The following KDM4C variants were observed in gnomAD, a reference collection of about 807,000 sequenced individuals.
The protein encoded by KDM4C is lysine-specific demethylase 4C.
KDM4C carries 81 observed loss-of-function variants against 129.3 expected under a neutral mutation model. That is an observed-to-expected ratio of 0.63 (90% CI 0.52 to 0.75). The LOEUF (loss-of-function observed/expected upper bound fraction) is 0.75. Ranked by LOEUF, KDM4C falls within the 30% of genes least tolerant of loss-of-function variation. The pLI is 0.00. For missense variants in KDM4C, 1,457 were observed against 1,304.0 expected, an observed-to-expected ratio of 1.12 and a Z score of -1.81; for synonymous variants, 573 against 456.1, an observed-to-expected ratio of 1.26 and a Z score of -3.26.
chr9:7,061,710 C>T (rs895281716), intron 17 of KDM4C, among the ~76,000 whole-genome samples: 2 of 152,172 alleles, frequency 1.3e-5, no homozygotes, highest in Admixed American at 6.5e-5. Context: ...TTCCCAATAT[C>T]GACTCTACCC....
At chr9:7,101,779 A>T (rs1314495534) in intron 17 of KDM4C, among the ~76,000 whole-genome samples, 3 of 152,220 alleles carry the variant, frequency 2.0e-5, no homozygotes, top group Non-Finnish European at 4.4e-5. Context: ...CTCTTAAAAG[A>T]TCTTAAGAAA....
At chr9:6,849,392 T>C in intron 4 of KDM4C, 115 bp from the exon 5 acceptor site, 1 of 772,890 alleles carries the variant, frequency 1.3e-6, no homozygotes, top group Non-Finnish European at 1.9e-6. Context: ...CAGTTTTCAG[T>C]TAGTTAGAAT....
intron 5 of KDM4C, among the ~76,000 whole-genome samples, chr9:6,857,311 A>G (rs1156799254): frequency 3.3e-5 from 5 of 152,264 alleles, no homozygotes; most frequent in Admixed American, 1.3e-4. Context: ...AACAGAAAAG[A>G]TAATATTGCT....
At chr9:7,039,529 C>T (rs946724444) in intron 15 of KDM4C, among the ~76,000 whole-genome samples, 6 of 151,958 alleles carry the variant, frequency 3.9e-5, no homozygotes. Context: ...GTGCTGACCC[C>T]CAGTTCAGCT....
intron 7 of KDM4C, among the ~76,000 whole-genome samples, chr9:6,888,426 G>T (rs1193325101): frequency 6.6e-6 from 1 of 152,100 alleles, no homozygotes; most frequent in African/African-American, 2.4e-5. Context: ...GCAATGGGTT[G>T]CTTAGAATCA....
intron 8 of KDM4C, among the ~76,000 whole-genome samples, chr9:6,915,274 A>G (rs956115908): frequency 1.3e-5 from 2 of 152,210 alleles, no homozygotes; most frequent in Non-Finnish European, 2.9e-5. Flanking sequence ...GTGTTCATGC[A>G]TCTACCTAAG....
chr9:6,949,575 C>G (rs553905433), intron 8 of KDM4C, among the ~76,000 whole-genome samples: 1 of 152,362 alleles, frequency 6.6e-6, no homozygotes, highest in Non-Finnish European at 1.5e-5. Context: ...GAACGAGACT[C>G]CATCTGCAAT....
At chr9:6,952,957 T>C (rs889096518) in intron 8 of KDM4C, among the ~76,000 whole-genome samples, 1 of 152,236 alleles carries the variant, frequency 6.6e-6, no homozygotes, top group African/African-American at 2.4e-5. Flanking sequence ...TTTACTTCTT[T>C]AAATGACTGG....
chr9:6,860,472 C>G (rs1840720460), intron 5 of KDM4C, among the ~76,000 whole-genome samples: 1 of 152,142 alleles, frequency 6.6e-6, no homozygotes, highest in South Asian at 2.1e-4. Flanking sequence ...GTTAAGTGTA[C>G]TTTATCTGTC....
At chr9:6,811,149 T>A (rs929095380) in intron 3 of KDM4C, among the ~76,000 whole-genome samples, 1 of 152,134 alleles carries the variant, frequency 6.6e-6, no homozygotes, top group East Asian at 1.9e-4. Context: ...AGAGGTTTTC[T>A]GCTGGGCTGT....
intron 5 of KDM4C, among the ~76,000 whole-genome samples, chr9:6,856,539 C>CGT (rs201267627): frequency 0.2 from 26,007 of 131,370 alleles, 2,565 homozygotes; most frequent in East Asian, 0.27. Context: ...TCTCTGTGTG[C>CGT]GTGTGTGTGT....
intron 5 of KDM4C, among the ~76,000 whole-genome samples, chr9:6,875,816 G>T (rs1843460912): frequency 6.6e-6 from 1 of 152,192 alleles, no homozygotes; most frequent in African/African-American, 2.4e-5. Flanking sequence ...TCTTCCTGCA[G>T]TGCTTTATAT....
chr9:7,042,813 T>G (rs111776835), intron 15 of KDM4C, among the ~76,000 whole-genome samples: 334 of 152,164 alleles, frequency 2.2e-3, no homozygotes, highest in South Asian at 0.016. Flanking sequence ...GACATAAGTT[T>G]GAATCTCAAT....
chr9:7,101,596 C>T (rs765896273), intron 17 of KDM4C, among the ~76,000 whole-genome samples: 1 of 152,192 alleles, frequency 6.6e-6, no homozygotes, highest in Non-Finnish European at 1.5e-5. Context: ...CACTTCTGGT[C>T]CTCCTGGAAT....
At chr9:7,155,482 T>A (rs976260658) in intron 19 of KDM4C, among the ~76,000 whole-genome samples, 1 of 152,164 alleles carries the variant, frequency 6.6e-6, no homozygotes, top group Non-Finnish European at 1.5e-5. Flanking sequence ...ACATTACGTA[T>A]TTCTCCTAAG....
chr9:7,081,069 C>G (rs900900203), intron 17 of KDM4C, among the ~76,000 whole-genome samples: 4 of 152,244 alleles, frequency 2.6e-5, no homozygotes, highest in Middle Eastern at 3.4e-3. Context: ...TACAAATTAC[C>G]CTCTTAAAAT....
intron 21 of KDM4C, chr9:7,170,134 A>C (rs1289127386): frequency 7.3e-6 from 10 of 1,375,644 alleles, no homozygotes; most frequent in Non-Finnish European, 8.6e-6. Flanking sequence ...TTGTGTTGAC[A>C]TTTATTGGTG....
chr9:6,939,866 T>C (rs7862859), intron 8 of KDM4C, among the ~76,000 whole-genome samples: 46,822 of 152,118 alleles, frequency 0.31, 7,472 homozygotes, highest in Middle Eastern at 0.41. Flanking sequence ...AGGAAATAAC[T>C]GAAAGTCTAA....
intron 12 of KDM4C, among the ~76,000 whole-genome samples, chr9:6,998,582 G>C (rs1820190913): frequency 6.6e-6 from 1 of 152,150 alleles, no homozygotes; most frequent in African/African-American, 2.4e-5. Flanking sequence ...GATCACCTGA[G>C]GTCAGGAGTT....
Sources: allele counts gnomAD v4.1 joint callset (sites outside exome capture counted in the v4.1 genomes callset), GRCh38; gene constraint gnomAD v4.1.1; transcripts MANE v1.5; gene names NCBI Gene and HGNC (gene_info 2026-07-23, HGNC 2026-07-21).